ZNF385D: variants seen among roughly 807,000 people sequenced by gnomAD.
ZNF385D encodes zinc finger protein 659.
Under a neutral mutation model 35.8 loss-of-function variants are expected in ZNF385D, and 15 were observed. The observed-to-expected ratio is 0.42, with a 90% confidence interval of 0.28 to 0.64. The LOEUF is 0.64. Ranked by LOEUF, ZNF385D falls within the 30% of genes least tolerant of loss-of-function variation. The probability of loss-of-function intolerance (pLI) is 0.23; values close to 1 mark genes in which losing one functional copy is unlikely to be tolerated. For missense variants in ZNF385D, 474 were observed against 494.6 expected, an observed-to-expected ratio of 0.96 and a Z score of 0.39; for synonymous variants, 212 against 186.8, an observed-to-expected ratio of 1.13 and a Z score of -1.10.
intron 2 of ZNF385D, among the ~76,000 whole-genome samples, chr3:22,215,178 TTTC>T (rs1298277707): frequency 6.6e-6 from 1 of 152,032 alleles, no homozygotes. Context: ...CCATGTGGTC[TTTC>T]TTAACTGCAC....
At chr3:21,984,398 C>T (rs1350428000) in intron 3 of ZNF385D, among the ~76,000 whole-genome samples, 4 of 123,316 alleles carry the variant, frequency 3.2e-5, no homozygotes, top group South Asian at 3.1e-4. Flanking sequence ...AGCCAGTTTT[C>T]CCAGCACCAT....
chr3:22,028,962 T>C (rs1232106422), intron 3 of ZNF385D, among the ~76,000 whole-genome samples: 1 of 152,164 alleles, frequency 6.6e-6, no homozygotes, highest in Non-Finnish European at 1.5e-5. Flanking sequence ...ATAGCCATGA[T>C]TCATGGGTCC....
chr3:21,930,288 A>C (rs11921100), intron 3 of ZNF385D, among the ~76,000 whole-genome samples: 11,867 of 151,790 alleles, frequency 0.078, 1,546 homozygotes, highest in African/African-American at 0.27. Context: ...AAAAAAAAAA[A>C]AACTAGAAAC....
chr3:21,805,325 T>C (rs1312012133), intron 3 of ZNF385D, among the ~76,000 whole-genome samples: 4 of 152,188 alleles, frequency 2.6e-5, no homozygotes, highest in African/African-American at 9.7e-5. Flanking sequence ...AGTGTGGAAA[T>C]AGGTTGTAAA....
chr3:21,709,120 G>A (rs1372389411), intron 1 of ZNF385D, among the ~76,000 whole-genome samples: 1 of 152,072 alleles, frequency 6.6e-6, no homozygotes, highest in African/African-American at 2.4e-5. Flanking sequence ...CACAAATATG[G>A]TGCTGTCAGT....
At chr3:22,028,529 GTTGA>G (rs1257827670) in intron 3 of ZNF385D, among the ~76,000 whole-genome samples, 1 of 152,214 alleles carries the variant, frequency 6.6e-6, no homozygotes, top group Non-Finnish European at 1.5e-5. Context: ...CTGGTGGCAG[GTTGA>G]TTATTTCGGA....
At chr3:22,066,368 G>A (rs928288823) in intron 3 of ZNF385D, among the ~76,000 whole-genome samples, 1 of 150,876 alleles carries the variant, frequency 6.6e-6, no homozygotes, top group Non-Finnish European at 1.5e-5. Flanking sequence ...TTCCCTGTGT[G>A]TGTGTGTGTA....
At chr3:21,886,913 T>C (rs1000965133) in intron 3 of ZNF385D, among the ~76,000 whole-genome samples, 1 of 152,164 alleles carries the variant, frequency 6.6e-6, no homozygotes, top group Non-Finnish European at 1.5e-5. Context: ...CATACTTTCA[T>C]TCATATGGGT....
At chr3:21,585,254 T>C (rs1254049968) in intron 2 of ZNF385D, among the ~76,000 whole-genome samples, 1 of 152,174 alleles carries the variant, frequency 6.6e-6, no homozygotes, top group African/African-American at 2.4e-5. Context: ...CTAAGTAACA[T>C]TTTGCCATCA....
At chr3:22,268,389 C>T (rs1479811336) in intron 2 of ZNF385D, among the ~76,000 whole-genome samples, 1 of 151,852 alleles carries the variant, frequency 6.6e-6, no homozygotes, top group African/African-American at 2.4e-5. Flanking sequence ...AAGCATAATG[C>T]TCATTTTGTT....
chr3:21,763,725 G>C (rs1251005342), intron 3 of ZNF385D, among the ~76,000 whole-genome samples: 1 of 152,162 alleles, frequency 6.6e-6, no homozygotes, highest in Non-Finnish European at 1.5e-5. Context: ...AAAAATCTGT[G>C]ATGCTGAGAA....
At chr3:21,684,367 T>C (rs528850692) in intron 1 of ZNF385D, among the ~76,000 whole-genome samples, 5 of 35,808 alleles carry the variant, frequency 1.4e-4, no homozygotes, top group Non-Finnish European at 2.0e-4. Context: ...ACTGTTCTCC[T>C]CTCTCTCTCT....
At chr3:21,979,400 G>A (rs1436815637) in intron 3 of ZNF385D, among the ~76,000 whole-genome samples, 1 of 152,208 alleles carries the variant, frequency 6.6e-6, no homozygotes, top group East Asian at 1.9e-4. Context: ...ACTGAGGTGT[G>A]AGATTGAGCT....
At chr3:21,991,648 T>C (rs1332056636) in intron 3 of ZNF385D, among the ~76,000 whole-genome samples, 4 of 152,180 alleles carry the variant, frequency 2.6e-5, no homozygotes, top group Non-Finnish European at 5.9e-5. Flanking sequence ...ATGGCACGTC[T>C]TCAACAGTAA....
At chr3:21,674,491 C>A (rs1421023653) in intron 1 of ZNF385D, among the ~76,000 whole-genome samples, 2 of 151,876 alleles carry the variant, frequency 1.3e-5, no homozygotes, top group Non-Finnish European at 2.9e-5. Flanking sequence ...CAATTTAGAC[C>A]CCAAAATGTG....
intron 4 of ZNF385D, among the ~76,000 whole-genome samples, chr3:21,468,123 A>T (rs1703633845): frequency 6.6e-6 from 1 of 152,064 alleles, no homozygotes; most frequent in African/African-American, 2.4e-5. Flanking sequence ...TAGTATATGG[A>T]GCCAGGTGTG....
At chr3:22,154,914 T>C (rs1370757447) in intron 3 of ZNF385D, among the ~76,000 whole-genome samples, 1 of 152,164 alleles carries the variant, frequency 6.6e-6, no homozygotes, top group Non-Finnish European at 1.5e-5. Flanking sequence ...AGCATGATAT[T>C]ATACAAATTG....
intron 2 of ZNF385D, among the ~76,000 whole-genome samples, chr3:22,215,995 G>A (rs1265443811): frequency 6.6e-6 from 1 of 151,902 alleles, no homozygotes; most frequent in African/African-American, 2.4e-5. Flanking sequence ...TCCCCCAATA[G>A]CTATGGAATT....
chr3:22,031,043 G>A (rs561870058), intron 3 of ZNF385D, among the ~76,000 whole-genome samples: 1 of 152,284 alleles, frequency 6.6e-6, no homozygotes, highest in Admixed American at 6.5e-5. Flanking sequence ...TCATATCCAG[G>A]ACATCCTGAT....
Sources: allele counts gnomAD v4.1 joint callset (sites outside exome capture counted in the v4.1 genomes callset), GRCh38; gene constraint gnomAD v4.1.1; transcripts MANE v1.5; gene names NCBI Gene and HGNC (gene_info 2026-07-23, HGNC 2026-07-21).